FAM107B: variants seen among roughly 807,000 people sequenced by gnomAD.
FAM107B encodes the protein protein FAM107B.
Under a neutral mutation model 31.5 loss-of-function variants are expected in FAM107B, and 21 were observed. That is an observed-to-expected ratio of 0.67 (90% CI 0.47 to 0.96). The LOEUF (loss-of-function observed/expected upper bound fraction) is 0.96. FAM107B is among the 40% of genes least tolerant of loss of function. The pLI is 0.00. For missense variants in FAM107B, 452 were observed against 377.1 expected, an observed-to-expected ratio of 1.20 and a Z score of -1.64; for synonymous variants, 157 against 141.5, an observed-to-expected ratio of 1.11 and a Z score of -0.78.
chr10:14,723,497 C>T, intron 1 of FAM107B: 1 of 591,806 alleles, frequency 1.7e-6, no homozygotes, highest in Middle Eastern at 3.7e-4. Flanking sequence ...GAAATGGTAC[C>T]ACACATGCAC....
chr10:14,604,922 C>G (rs953658336), intron 2 of FAM107B, among the ~76,000 whole-genome samples: 1 of 152,074 alleles, frequency 6.6e-6, no homozygotes, highest in African/African-American at 2.4e-5. Context: ...CTTTCTCTCT[C>G]TGTGCTCACC....
intron 2 of FAM107B, among the ~76,000 whole-genome samples, chr10:14,552,412 G>A (rs1217498048): frequency 6.6e-6 from 1 of 151,984 alleles, no homozygotes; most frequent in Non-Finnish European, 1.5e-5. Context: ...TCAGATCGGA[G>A]GCTTTCAAAC....
At chr10:14,585,085 C>T (rs1336553865) in intron 2 of FAM107B, among the ~76,000 whole-genome samples, 1 of 152,324 alleles carries the variant, frequency 6.6e-6, no homozygotes, top group South Asian at 2.1e-4. Context: ...CAAAGGGACA[C>T]CTCTAGAGGG....
intron 1 of FAM107B, among the ~76,000 whole-genome samples, chr10:14,726,703 G>T (rs1750701925): frequency 6.6e-6 from 1 of 152,068 alleles, no homozygotes; most frequent in Admixed American, 6.5e-5. Flanking sequence ...ACTTTTCCAT[G>T]TTTCCCAAAT....
At chr10:14,559,029 T>C (rs911212681) in intron 2 of FAM107B, among the ~76,000 whole-genome samples, 30 of 151,398 alleles carry the variant, frequency 2.0e-4, no homozygotes, top group Non-Finnish European at 1.3e-4. Flanking sequence ...CTGACCTCCA[T>C]TTCCCTTCCA....
intron 2 of FAM107B, among the ~76,000 whole-genome samples, chr10:14,628,317 C>T (rs1045914214): frequency 5.3e-5 from 8 of 151,946 alleles, no homozygotes; most frequent in African/African-American, 1.9e-4. Flanking sequence ...TGGGGTTTCA[C>T]CATATGGCCA....
intron 1 of FAM107B, among the ~76,000 whole-genome samples, chr10:14,687,000 G>C (rs1309521338): frequency 1.1e-4 from 17 of 152,196 alleles, no homozygotes; most frequent in Admixed American, 1.1e-3. Flanking sequence ...TTGCTTTTCA[G>C]GAATTTCAGG....
intron 2 of FAM107B, among the ~76,000 whole-genome samples, chr10:14,633,035 A>C (rs1341440311): frequency 6.6e-6 from 1 of 151,994 alleles, no homozygotes; most frequent in Non-Finnish European, 1.5e-5. Flanking sequence ...TCTGTCTCTA[A>C]GAAAAACACA....
chr10:14,693,699 C>T (rs960183935), intron 1 of FAM107B, among the ~76,000 whole-genome samples: 7 of 152,130 alleles, frequency 4.6e-5, no homozygotes, highest in African/African-American at 1.7e-4. Flanking sequence ...CATTCCTAGA[C>T]ATGTTATCCT....
At chr10:14,624,695 C>T (rs900233913) in intron 2 of FAM107B, among the ~76,000 whole-genome samples, 1 of 152,048 alleles carries the variant, frequency 6.6e-6, no homozygotes, top group Non-Finnish European at 1.5e-5. Flanking sequence ...AGTCCGTTTT[C>T]GTATTTGAGC....
chr10:14,619,820 C>T (rs943813475), intron 2 of FAM107B, among the ~76,000 whole-genome samples: 1 of 149,908 alleles, frequency 6.7e-6, no homozygotes, highest in South Asian at 2.1e-4. Flanking sequence ...AGGTCTATGA[C>T]GTATTTCAAA....
intron 2 of FAM107B, among the ~76,000 whole-genome samples, chr10:14,659,080 T>A (rs1199939924): frequency 6.6e-6 from 1 of 152,138 alleles, no homozygotes; most frequent in Non-Finnish European, 1.5e-5. Context: ...GACCAGGTCT[T>A]CACTAAAAGT....
At chr10:14,533,139 TAA>T (rs964211411) in intron 2 of FAM107B, among the ~76,000 whole-genome samples, 7 of 152,224 alleles carry the variant, frequency 4.6e-5, no homozygotes, top group African/African-American at 1.7e-4. Flanking sequence ...ACTCATGAGT[TAA>T]AAGATTACTC....
At chr10:14,522,140 T>A (rs970012398) in intron 3 of FAM107B, 121 bp from the exon 4 acceptor site, 57 of 1,272,906 alleles carry the variant, frequency 4.5e-5, no homozygotes, top group Non-Finnish European at 5.6e-5. Flanking sequence ...GTATGATACC[T>A]ACTAGGCTAC....
At chr10:14,766,453 T>C (rs1486895240) in intron 1 of FAM107B, among the ~76,000 whole-genome samples, 1 of 152,192 alleles carries the variant, frequency 6.6e-6, no homozygotes, top group Non-Finnish European at 1.5e-5. Context: ...AGATGCTTAG[T>C]AGCCTCACGG....
intron 2 of FAM107B, among the ~76,000 whole-genome samples, chr10:14,603,858 A>T (rs1474022006): frequency 6.6e-6 from 1 of 151,216 alleles, no homozygotes; most frequent in Admixed American, 6.6e-5. Context: ...CCGCGGGGCG[A>T]GGGGCGCCGA....
Position 14,767,055 on chromosome 10 carries a change from TAGAGAGAGAGAGAGAG to T in FAM107B, c.411+7182_411+7197del, listed in dbSNP as rs1186875187. Among the ~76,000 whole-genome samples the T allele has an allele frequency of 1.4e-3, 26 of 18,274 alleles. 1 individual carries two copies. The highest frequency in any genetic ancestry group is 3.4e-3 in the African/African-American group (22 of 6,504). The allele number at this position is 18,274 out of a possible 152,430, so 12.0% of individuals were successfully genotyped here. On this transcript the variant is annotated intron_variant, in intron 1 of 4. Coordinates refer to ENST00000181796, the MANE Select transcript of FAM107B (RefSeq NM_031453.4). ...ATATATATATATATATATATATATA[TAGAGAGAGAGAGAGAG>T]AGAGAGAGAGAGAGAGAGAGAGAGA...
chr10:14,574,101 A>G (rs1385732800), intron 2 of FAM107B, among the ~76,000 whole-genome samples: 1 of 152,186 alleles, frequency 6.6e-6, no homozygotes, highest in Non-Finnish European at 1.5e-5. Context: ...GTTCAGTAAG[A>G]ACAGGGTTTA....
chr10:14,638,544 A>G lies in FAM107B; in HGVS notation c.469+29090T>C, dbSNP rs1446575175. 2.0e-5 allele frequency among the ~76,000 whole-genome samples: 3 copies of G among 152,128 alleles called. No individual in the cohort carries two copies. The East Asian group carries it at 5.8e-4, about 29-fold the overall frequency. On this transcript the variant is annotated intron_variant, in intron 2 of 4. Coordinates refer to ENST00000181796, the MANE Select transcript of FAM107B (RefSeq NM_031453.4). ...TCCACATTTTTAGCTGCCTCTTAGAAATAGTTTTCTTTTGGAGGTCTTATC... is the reference window on the plus strand; with the variant it reads ...TCCACATTTTTAGCTGCCTCTTAGAGATAGTTTTCTTTTGGAGGTCTTATC...
Sources: gnomAD v4.1 joint callset for allele counts (sites outside exome capture counted in the v4.1 genomes callset) on GRCh38, gnomAD v4.1.1 for gene constraint, MANE v1.5 for transcripts, NCBI Gene and HGNC (gene_info 2026-07-23, HGNC 2026-07-21) for gene names.